Variants in NUP85 observed in about 807,000 individuals in gnomAD.
NUP85 encodes nucleoporin 85, also known as nuclear pore complex protein Nup85.
NUP85 carries 23 observed loss-of-function variants against 92.8 expected under a neutral mutation model. The observed-to-expected ratio is 0.25, with a 90% CI of 0.18 to 0.35. The LOEUF (loss-of-function observed/expected upper bound fraction) is 0.35, where lower values mean the gene tolerates loss of function less well. NUP85 is among the 10% of genes least tolerant of loss of function. The pLI is 1.00. For missense variants in NUP85, 759 were observed against 822.8 expected, an observed-to-expected ratio of 0.92 and a Z score of 0.95; for synonymous variants, 314 against 306.9, an observed-to-expected ratio of 1.02 and a Z score of -0.24.
Position 75,233,161 on chromosome 17 carries a change from G to T in NUP85, c.1615+3G>T. 6.2e-7 allele frequency: 1 copy of T among 1,613,586 alleles called. No homozygotes were observed. Among genetic ancestry groups the T allele is most frequent in the Admixed American group, 1.7e-5 (1 of 60,022 alleles). ...CAGTGACCGACTGACATTCCTGGGT[G>T]AGTCTCTGGGTTTTGTGCCCTGTGC... On this transcript the variant is annotated splice_donor_region_variant and intron_variant, in intron 16 of 18. Transcript: ENST00000245544.
intron 1 of NUP85, 24 bp downstream of exon 1, chr17:75,205,818 G>A (rs760573206): frequency 6.2e-7 from 1 of 1,613,848 alleles, no homozygotes; most frequent in Non-Finnish European, 8.5e-7. Flanking sequence ...GAACAGGCTT[G>A]CTCGTCCTTG....
intron 14 of NUP85, 43 bp from the exon 15 acceptor site, chr17:75,232,808 T>G (rs1423678617): frequency 6.4e-7 from 1 of 1,557,870 alleles, no homozygotes; most frequent in African/African-American, 1.4e-5. Flanking sequence ...ATGGAGTGAT[T>G]TGTGGAGTGA....
At chr17:75,233,412 TCTTTCTTC>T in intron 16 of NUP85, among the ~76,000 whole-genome samples, 2 of 139,220 alleles carry the variant, frequency 1.4e-5, no homozygotes, top group Non-Finnish European at 3.0e-5. Context: ...TCTCTTTCTT[TCTTTCTTC>T]TTTTCTTTTA....
intron 17 of NUP85, 56 bp from the exon 18 acceptor site, chr17:75,235,044 C>T: frequency 1.4e-6 from 2 of 1,426,638 alleles, no homozygotes; most frequent in South Asian, 2.3e-5. Flanking sequence ...GCCCCTGCCC[C>T]AACCAATGCA....
At chr17:75,213,463 T>C (rs765400106) in intron 5 of NUP85, among the ~76,000 whole-genome samples, 3 of 151,836 alleles carry the variant, frequency 2.0e-5, no homozygotes, top group Non-Finnish European at 2.9e-5. Flanking sequence ...CAGCTACTTT[T>C]TGCATTTTTA....
chr17:75,205,750 G>C lies in NUP85; in HGVS notation c.-12G>C, dbSNP rs766311084. The C allele has an allele frequency of 1.1e-5, 17 of 1,614,052 alleles. No individual in the cohort carries two copies. The highest frequency in any genetic ancestry group is 1.4e-5 in the Non-Finnish European group (16 of 1,180,024). On this transcript the variant is annotated 5_prime_UTR_variant, in exon 1 of 19. Transcript: ENST00000245544. ...CGTCCGAGCGACTTCTAGGAGCCTGGGGTTCGGCGCTATGGAGGAGCTCGA... is the reference window on the plus strand; with the variant it reads ...CGTCCGAGCGACTTCTAGGAGCCTGCGGTTCGGCGCTATGGAGGAGCTCGA...
At chr17:75,230,364 T>TG (rs71159461) in intron 11 of NUP85, among the ~76,000 whole-genome samples, 94,229 of 146,926 alleles carry the variant, frequency 0.64, 33,682 homozygotes, top group East Asian at 0.86. Flanking sequence ...TGTTTTTTGT[T>TG]TTTTTTTTTT....
At chr17:75,212,760 G>T (rs1447171241) in intron 4 of NUP85, among the ~76,000 whole-genome samples, 4 of 151,928 alleles carry the variant, frequency 2.6e-5, no homozygotes, top group Non-Finnish European at 5.9e-5. Flanking sequence ...GGCTCAAGCA[G>T]TCCTTTGACA....
At chr17:75,218,048 C>A in intron 6 of NUP85, 137 bp from the exon 7 acceptor site, 1 of 1,071,474 alleles carries the variant, frequency 9.3e-7, no homozygotes, top group Admixed American at 2.3e-5. Flanking sequence ...TCATTCAGGA[C>A]CATGTGTGTG....
chr17:75,228,507 C>T (rs2075911487), intron 11 of NUP85: 1 of 985,404 alleles, frequency 1.0e-6, no homozygotes, highest in Non-Finnish European at 1.2e-6. Flanking sequence ...GCAATGTCTT[C>T]AGAGGCAGTA....
intron 5 of NUP85, among the ~76,000 whole-genome samples, chr17:75,214,718 G>A (rs964835210): frequency 1.3e-5 from 2 of 152,032 alleles, no homozygotes; most frequent in Non-Finnish European, 2.9e-5. Flanking sequence ...TTAGCTAGGC[G>A]TGGTGGTGTG....
chr17:75,215,709 C>A (rs769226835), intron 5 of NUP85, 45 bp from the exon 6 acceptor site: 1 of 1,576,112 alleles, frequency 6.3e-7, no homozygotes, highest in East Asian at 2.2e-5. Context: ...GAGAGCAAAG[C>A]TCAGGAATCA....
In NUP85 at chr17:75,231,307, T is replaced by G. The variant is rs563260338; in HGVS notation, c.1095-33T>G. ...TTGTGGGACGCGGCCTGTGCCCTGA[T>G]TTTCCTTCTTGCCTTGGTGTCTGAA... On this transcript the variant is annotated intron_variant, in intron 11 of 18. Transcript: ENST00000245544. The surrounding 1 kb of genome is among the most constrained non-coding windows in gnomAD (Gnocchi z 4.6). 189 of 1,612,500 alleles carry G rather than the reference T, an allele frequency of 1.2e-4. No homozygotes were observed. Among genetic ancestry groups the G allele is most frequent in the Non-Finnish European group, 1.6e-4 (185 of 1,178,704 alleles).
In NUP85 at chr17:75,213,090, C is replaced by G. The variant is rs149997756; in HGVS notation, c.376C>G (p.Pro126Ala). The stretch of plus-strand genomic sequence containing the variant: ...TGTTTTGTTAGTTGCTGCTAAAGAT[C>G]CAGCCAATGGCCGCCAGTTCAGCAG... ...MHQVAIAAKD[P>A]ANGRQFSSQV... The change falls in exon 5 of 19, where the codon CCA becomes GCA. Residue 126 changes from proline (P) to alanine (A), a missense_variant. Pro to Ala is a conservative substitution (Grantham distance 27, BLOSUM62 -1). Transcript: ENST00000245544. The G allele has an allele frequency of 6.2e-7, 1 of 1,613,414 alleles. No homozygotes were observed. The highest frequency in any genetic ancestry group is 1.3e-5 in the African/African-American group (1 of 74,928).
chr17:75,218,108 T>C, intron 6 of NUP85, 77 bp from the exon 7 acceptor site: 1 of 1,598,582 alleles, frequency 6.3e-7, no homozygotes, highest in South Asian at 1.1e-5. Context: ...GCCTTAAAGT[T>C]CTCTGTTCCT....
intron 7 of NUP85, among the ~76,000 whole-genome samples, chr17:75,218,853 T>TC (rs2075514753): frequency 6.6e-6 from 1 of 152,108 alleles, no homozygotes; most frequent in African/African-American, 2.4e-5. Flanking sequence ...TCCTGTGCGG[T>TC]CCTACCACCT....
In NUP85 at chr17:75,231,533, C is replaced by T. The variant is rs201069857; in HGVS notation, c.1179-40C>T. On this transcript the variant is annotated intron_variant, in intron 12 of 18. Transcript: ENST00000245544. This position sits in a 1 kb window ranked among gnomAD's most constrained non-coding sequence, Gnocchi z 4.6. ...TGGGCTAAGGGGGCCCTGAACAGGGCAGGCCAGGAGTCTTGGTCTTTTGTT... is the reference window on the plus strand; with the variant it reads ...TGGGCTAAGGGGGCCCTGAACAGGGTAGGCCAGGAGTCTTGGTCTTTTGTT... 6.2e-7 allele frequency: 1 copy of T among 1,612,120 alleles called. No homozygotes were observed. Among genetic ancestry groups the T allele is most frequent in the East Asian group, 2.2e-5 (1 of 44,870 alleles).
intron 2 of NUP85, 119 bp downstream of exon 2, chr17:75,208,739 AT>A: frequency 1.4e-6 from 1 of 714,058 alleles, no homozygotes; most frequent in Non-Finnish European, 2.5e-6. Flanking sequence ...TACTATTTTA[AT>A]TTTCTCTATT....
Position 75,231,677 on chromosome 17 carries a change from C to T in NUP85, c.1244+39C>T. ...CATGGGTGTGGGCTATGCGGGTGCT[C>T]TTCAGCATGCGGGTGCCATTGGAGC... On this transcript the variant is annotated intron_variant, in intron 13 of 18. Coordinates refer to ENST00000245544, the MANE Select transcript of NUP85 (RefSeq NM_024844.5). The surrounding 1 kb of genome is among the most constrained non-coding windows in gnomAD (Gnocchi z 4.6). 6.4e-7 allele frequency: 1 copy of T among 1,567,314 alleles called. No individual in the cohort carries two copies. Among genetic ancestry groups the T allele is most frequent in the Non-Finnish European group, 8.5e-7 (1 of 1,174,668 alleles).
Sources: allele counts gnomAD v4.1 joint callset (sites outside exome capture counted in the v4.1 genomes callset), GRCh38; gene constraint gnomAD v4.1.1; non-coding constraint Gnocchi (gnomAD v3.1); transcripts MANE v1.5; gene names NCBI Gene and HGNC (gene_info 2026-07-23, HGNC 2026-07-21).